C4orf33: variants seen among roughly 807,000 people sequenced by gnomAD.
The protein encoded by C4orf33 is UPF0462 protein C4orf33.
In C4orf33, 20 loss-of-function variants were observed where a neutral mutation model predicts 24.3. The ratio of observed to expected loss-of-function variants is 0.82; its 90% CI spans 0.58 to 1.19. The LOEUF is 1.19. Among genes scored for constraint, C4orf33 ranks in the 50% most tolerant of loss-of-function variants. The pLI, the probability that C4orf33 is intolerant of heterozygous loss-of-function variation, is 0.00. For synonymous variants in C4orf33, 67 were observed against 76.4 expected (o/e 0.88, Z 0.64); for missense variants, 207 against 225.9 (o/e 0.92, Z 0.54).
upstream of C4orf33, among the ~76,000 whole-genome samples, chr4:129,095,306 C>T (rs761720387): frequency 6.6e-6 from 1 of 152,120 alleles, no homozygotes; most frequent in Admixed American, 6.5e-5. Context: ...TAGGTGCCAC[C>T]TTAGTACTTA....
At chr4:129,099,983 A>C (rs759998476) in intron 1 of C4orf33, among the ~76,000 whole-genome samples, 1 of 152,206 alleles carries the variant, frequency 6.6e-6, no homozygotes, top group Non-Finnish European at 1.5e-5. Context: ...TATGCAATTA[A>C]AGCCAAAATT....
intron 2 of C4orf33, among the ~76,000 whole-genome samples, chr4:129,103,572 A>T (rs1041359014): frequency 5.5e-5 from 1 of 18,040 alleles, no homozygotes; most frequent in African/African-American, 7.4e-5. Context: ...ACATAAAATT[A>T]GTTTCAGGTT....
chr4:129,105,892 T>C (rs1322152078), intron 2 of C4orf33, among the ~76,000 whole-genome samples: 1 of 152,184 alleles, frequency 6.6e-6, no homozygotes, highest in African/African-American at 2.4e-5. Flanking sequence ...ATTCCTGCAA[T>C]CACAGATATG....
At chr4:129,104,027 A>G (rs1329017875) in intron 2 of C4orf33, among the ~76,000 whole-genome samples, 4 of 152,218 alleles carry the variant, frequency 2.6e-5, no homozygotes, top group African/African-American at 9.6e-5. Context: ...GGCACTACAG[A>G]CATGAAACTC....
At chr4:129,097,358 C>T (rs1316077403) in intron 1 of C4orf33, among the ~76,000 whole-genome samples, 1 of 152,218 alleles carries the variant, frequency 6.6e-6, no homozygotes, top group Non-Finnish European at 1.5e-5. Context: ...TTCAGGGAAG[C>T]AACCACTGTT....
rs148713237 is a variant in C4orf33, at chr4:129,116,461, C to T, written c.*4670C>T. The stretch of plus-strand genomic sequence containing the variant: ...TTGGCAGCCTATCACCTGTAATTTC[C>T]GTTAAACAGCATTTCTGACTCAATA... On this transcript the variant is annotated 3_prime_UTR_variant, in exon 6 of 6. Coordinates refer to ENST00000425929, the MANE Select transcript of C4orf33 (RefSeq NM_001099783.2). 1.6e-4 allele frequency: 25 copies of T among 152,164 alleles called. No homozygotes were observed. The highest frequency in any genetic ancestry group is 2.6e-4 in the Admixed American group (4 of 15,278). 9.4% of individuals were successfully genotyped at this position (152,164 alleles called of 1,614,324 possible).
chr4:129,097,030 T>A (rs1048324492), intron 1 of C4orf33, among the ~76,000 whole-genome samples: 1 of 152,118 alleles, frequency 6.6e-6, no homozygotes. Context: ...TGCCTCAACC[T>A]CCCGAGTAGC....
chr4:129,106,522 T>A (rs1753521966), intron 2 of C4orf33, 65 bp from the exon 3 acceptor site: 3 of 786,062 alleles, frequency 3.8e-6, no homozygotes, highest in Non-Finnish European at 6.2e-6. Flanking sequence ...TCTAAAGGAA[T>A]AAATTATTTA....
chr4:129,109,368 T>C lies in C4orf33; in HGVS notation c.294+10T>C, dbSNP rs1561091668. 6.2e-7 allele frequency: 1 copy of C among 1,613,208 alleles called. No individual in the cohort carries two copies. The highest frequency in any genetic ancestry group is 1.1e-5 in the South Asian group (1 of 91,050). The stretch of plus-strand genomic sequence containing the variant: ...AAGAAATGTGTGGAAAGTAAGTAAA[T>C]AAAAATAGGAGGCAAAATCATTACG... On this transcript the variant is annotated intron_variant, in intron 4 of 5. Transcript: ENST00000425929.
upstream of C4orf33, among the ~76,000 whole-genome samples, chr4:129,095,774 T>C (rs1486729182): frequency 6.6e-6 from 1 of 152,218 alleles, no homozygotes; most frequent in African/African-American, 2.4e-5. Context: ...AATTTCACAA[T>C]TGTTAACTGC....
intron 2 of C4orf33, among the ~76,000 whole-genome samples, chr4:129,103,969 A>T (rs1177920640): frequency 6.6e-6 from 1 of 152,228 alleles, no homozygotes; most frequent in Non-Finnish European, 1.5e-5. Context: ...AAACGGGTAT[A>T]TAGCATCTTC....
At chr4:129,109,719 T>C in intron 5 of C4orf33, 47 bp downstream of exon 5, 1 of 1,499,726 alleles carries the variant, frequency 6.7e-7, no homozygotes. Context: ...ACGAGTTTTT[T>C]CGAAATTAAT....
chr4:129,097,800 T>G (rs1016233128), intron 1 of C4orf33, among the ~76,000 whole-genome samples: 3 of 152,228 alleles, frequency 2.0e-5, no homozygotes, highest in African/African-American at 7.2e-5. Flanking sequence ...CAATAAATGA[T>G]TTTTTTCTCA....
In C4orf33 at chr4:129,111,987, A is replaced by G. The variant is rs886605591; in HGVS notation, c.*196A>G. 10 of 454,814 alleles carry G rather than the reference A, an allele frequency of 2.2e-5. No individual in the cohort carries two copies. The highest frequency in any genetic ancestry group is 4.0e-5 in the Non-Finnish European group (10 of 252,810). The allele number at this position is 454,814 out of a possible 1,614,324, so 28.2% of individuals were successfully genotyped here. On this transcript the variant is annotated 3_prime_UTR_variant, in exon 6 of 6. Transcript: ENST00000425929. ...TATATGATTCTTTGTAGATGATTTC[A>G]TCTGTAAAGTCACAATGTTTCTCAG...
At chr4:129,110,175 A>G (rs1007417026) in intron 5 of C4orf33, 2 of 179,752 alleles carry the variant, frequency 1.1e-5, no homozygotes, top group African/African-American at 4.8e-5. Flanking sequence ...GGCAAATTAC[A>G]TCTGGACTGA....
intron 1 of C4orf33, among the ~76,000 whole-genome samples, chr4:129,101,835 C>T (rs1753360153): frequency 6.6e-6 from 1 of 152,134 alleles, no homozygotes; most frequent in Non-Finnish European, 1.5e-5. Flanking sequence ...ATTGCAGATT[C>T]TGTTCCCATT....
At chr4:129,111,652 T>C (rs1753692636) in intron 5 of C4orf33, 34 bp from the exon 6 acceptor site, 1 of 1,325,356 alleles carries the variant, frequency 7.5e-7, no homozygotes, top group Non-Finnish European at 1.1e-6. Context: ...GCATAATTCA[T>C]TTCAATTCCC....
intron 1 of C4orf33, among the ~76,000 whole-genome samples, chr4:129,100,510 G>A (rs1004012716): frequency 6.6e-6 from 1 of 152,086 alleles, no homozygotes; most frequent in East Asian, 1.9e-4. Flanking sequence ...GAAATGATAG[G>A]CCACTTTTAG....
intron 2 of C4orf33, among the ~76,000 whole-genome samples, chr4:129,106,210 G>C (rs1177614262): frequency 6.6e-6 from 1 of 151,904 alleles, no homozygotes; most frequent in South Asian, 2.1e-4. Context: ...TCTAATTTTT[G>C]AACAGTACTC....
Sources: allele counts gnomAD v4.1 joint callset (sites outside exome capture counted in the v4.1 genomes callset), GRCh38; gene constraint gnomAD v4.1.1; transcripts MANE v1.5; gene names NCBI Gene and HGNC (gene_info 2026-07-23, HGNC 2026-07-21).